The following RIMS1 variants were observed in gnomAD, a reference collection of about 807,000 sequenced individuals.
The protein encoded by RIMS1 is regulating synaptic membrane exocytosis 1, also known as regulating synaptic membrane exocytosis protein 1.
Under a neutral mutation model 214.1 loss-of-function variants are expected in RIMS1, and 83 were observed. The ratio of observed to expected loss-of-function variants is 0.39; its 90% CI spans 0.32 to 0.47. The LOEUF (loss-of-function observed/expected upper bound fraction) is 0.47. RIMS1 is among the 20% of genes least tolerant of loss of function. RIMS1 has a pLI of 0.99. For synonymous variants in RIMS1, 793 were observed against 786.8 expected, an observed-to-expected ratio of 1.01 and a Z score of -0.13; for missense variants, 2,050 against 2,161.8, an observed-to-expected ratio of 0.95 and a Z score of 1.03.
intron 6 of RIMS1, among the ~76,000 whole-genome samples, chr6:72,200,489 T>C (rs1176010218): frequency 6.6e-6 from 1 of 152,196 alleles, no homozygotes; most frequent in Admixed American, 6.5e-5. Context: ...GTTTCTTCTT[T>C]AATTACTCCA....
At chr6:72,290,543 A>G (rs1156459766) in intron 24 of RIMS1, 136 bp from the exon 25 acceptor site, 6 of 707,114 alleles carry the variant, frequency 8.5e-6, no homozygotes, top group Non-Finnish European at 1.1e-5. Flanking sequence ...TTCCATTTCA[A>G]TAATTGCGTG....
intron 2 of RIMS1, among the ~76,000 whole-genome samples, chr6:72,096,366 T>C (rs951716232): frequency 5.3e-5 from 8 of 152,158 alleles, no homozygotes; most frequent in Non-Finnish European, 4.4e-5. Flanking sequence ...AATAGATAAG[T>C]AGCCTCCAGG....
intron 29 of RIMS1, among the ~76,000 whole-genome samples, chr6:72,375,265 CCTCT>C (rs1328295191): frequency 2.6e-5 from 4 of 152,256 alleles, no homozygotes; most frequent in Non-Finnish European, 4.4e-5. Context: ...TTTCTCTTGG[CCTCT>C]CTAATTAATT....
intron 29 of RIMS1, among the ~76,000 whole-genome samples, chr6:72,335,152 G>A (rs2096796182): frequency 2.0e-5 from 3 of 151,876 alleles, no homozygotes; most frequent in Admixed American, 2.0e-4. Context: ...GTGATGGTTT[G>A]CTGCACCCAT....
At chr6:72,346,779 T>C (rs1025052240) in intron 29 of RIMS1, among the ~76,000 whole-genome samples, 3 of 151,876 alleles carry the variant, frequency 2.0e-5, no homozygotes, top group African/African-American at 7.2e-5. Flanking sequence ...AATTTTTATG[T>C]CAATAAACAT....
chr6:72,252,470 G>A (rs1245354453), intron 15 of RIMS1, among the ~76,000 whole-genome samples: 3 of 152,104 alleles, frequency 2.0e-5, no homozygotes, highest in African/African-American at 7.2e-5. Flanking sequence ...TATATACTGT[G>A]CTGAAGGCTT....
At chr6:71,920,636 G>A (rs923991863) in intron 1 of RIMS1, among the ~76,000 whole-genome samples, 74 of 152,104 alleles carry the variant, frequency 4.9e-4, no homozygotes, top group Non-Finnish European at 7.1e-4. Context: ...TTATACAAAT[G>A]AGGTATTATG....
At chr6:72,352,821 C>G (rs973317736) in intron 29 of RIMS1, among the ~76,000 whole-genome samples, 1 of 151,970 alleles carries the variant, frequency 6.6e-6, no homozygotes, top group Non-Finnish European at 1.5e-5. Context: ...AGCCTAGATG[C>G]TGGGGATGGG....
At chr6:72,097,187 G>A (rs1359255332) in intron 3 of RIMS1, 25 bp downstream of exon 3, 8 of 1,600,530 alleles carry the variant, frequency 5.0e-6, no homozygotes, top group Middle Eastern at 1.9e-4. Flanking sequence ...AACATAAGGG[G>A]CGTTGTGAAT....
At chr6:72,256,256 C>T (rs867845429) in intron 16 of RIMS1, among the ~76,000 whole-genome samples, 4 of 152,162 alleles carry the variant, frequency 2.6e-5, no homozygotes, top group Non-Finnish European at 4.4e-5. Flanking sequence ...AATATTATAG[C>T]ATATGTTATA....
intron 22 of RIMS1, among the ~76,000 whole-genome samples, chr6:72,270,989 C>A (rs2082770048): frequency 6.6e-6 from 1 of 152,100 alleles, no homozygotes; most frequent in Non-Finnish European, 1.5e-5. Context: ...AGTAGAAGTA[C>A]TGCCGTGGTG....
intron 2 of RIMS1, among the ~76,000 whole-genome samples, chr6:71,985,739 AAC>A (rs1799751825): frequency 6.6e-6 from 1 of 152,206 alleles, no homozygotes. Context: ...GACCACTGCA[AAC>A]ACACTCTGTT....
chr6:72,161,490 T>C (rs1430276579), intron 4 of RIMS1, among the ~76,000 whole-genome samples: 2 of 140,642 alleles, frequency 1.4e-5, no homozygotes, highest in Non-Finnish European at 3.2e-5. Context: ...AGGGTGTCAA[T>C]TTTAGATCTT....
chr6:72,064,698 A>C (rs1252489678), intron 2 of RIMS1, among the ~76,000 whole-genome samples: 3 of 46 alleles, frequency 0.065, no homozygotes, highest in East Asian at 0.38. Context: ...GATGAAGTTT[A>C]AAAAAAAATG....
chr6:72,212,721 A>G, intron 6 of RIMS1: 1 of 707,078 alleles, frequency 1.4e-6, no homozygotes, highest in Non-Finnish European at 1.7e-6. Flanking sequence ...AGGAATGGCT[A>G]GGAGCATAGT....
At chr6:71,956,546 G>A (rs747160951) in intron 1 of RIMS1, among the ~76,000 whole-genome samples, 4 of 152,106 alleles carry the variant, frequency 2.6e-5, no homozygotes, top group Non-Finnish European at 5.9e-5. Flanking sequence ...AAAAATTAAT[G>A]TGGAGTTTAT....
At chr6:72,106,958 T>A (rs772999202) in intron 4 of RIMS1, among the ~76,000 whole-genome samples, 1 of 152,232 alleles carries the variant, frequency 6.6e-6, no homozygotes, top group Non-Finnish European at 1.5e-5. Flanking sequence ...TTCTCTTATA[T>A]ACTTTCATAC....
chr6:72,243,771 C>A (rs2068068123), intron 10 of RIMS1, among the ~76,000 whole-genome samples: 2 of 151,582 alleles, frequency 1.3e-5, no homozygotes, highest in South Asian at 4.1e-4. Context: ...AAGAAGTAAT[C>A]ATCTGCACAG....
rs190181018 is a variant in RIMS1, at chr6:71,904,939, T to C, written c.164+17752T>C. ...GAAAGGTTTGGTTTCATGAAATCGT[T>C]AGCTCTATAAGATTTCATTTCACTA... On this transcript the variant is annotated intron_variant, in intron 1 of 33. Transcript: ENST00000521978. 9.1e-4 allele frequency among the ~76,000 whole-genome samples: 138 copies of C among 152,274 alleles called. 1 individual carries two copies. The South Asian group carries it at 0.016, about 18-fold the overall frequency.
Sources: gnomAD v4.1 joint callset for allele counts (sites outside exome capture counted in the v4.1 genomes callset) on GRCh38, gnomAD v4.1.1 for gene constraint, MANE v1.5 for transcripts, NCBI Gene and HGNC (gene_info 2026-07-23, HGNC 2026-07-21) for gene names.